HS3ST1: variants seen among roughly 807,000 people sequenced by gnomAD.
HS3ST1 encodes heparan sulfate-glucosamine 3-sulfotransferase 1, also known as heparan sulfate glucosamine 3-O-sulfotransferase 1.
Under a neutral mutation model 20.7 loss-of-function variants are expected in HS3ST1, and 8 were observed. That is an observed-to-expected ratio of 0.39 (90% CI 0.23 to 0.70). The LOEUF (loss-of-function observed/expected upper bound fraction) is 0.70, where lower values mean the gene tolerates loss of function less well. Ranked by LOEUF, HS3ST1 falls within the 30% of genes least tolerant of loss-of-function variation. HS3ST1 has a pLI of 0.46. For missense variants in HS3ST1, 436 were observed against 423.4 expected (o/e 1.03, Z -0.26); for synonymous variants, 205 against 190.4 (o/e 1.08, Z -0.63).
intron 1 of HS3ST1, among the ~76,000 whole-genome samples, chr4:11,415,196 T>C (rs1325584122): frequency 6.6e-6 from 1 of 152,192 alleles, no homozygotes; most frequent in Non-Finnish European, 1.5e-5. Flanking sequence ...GGCTAAAGTA[T>C]GTAAATAGGG....
rs950358606 is a variant in HS3ST1, at chr4:11,395,274, G to A, written c.*3808C>T. The A allele has an allele frequency of 1.3e-5, 2 of 152,006 alleles. No individual in the cohort carries two copies. The highest frequency in any genetic ancestry group is 2.4e-5 in the African/African-American group (1 of 41,384). The allele number at this position is 152,006 out of a possible 1,614,324, so 9.4% of individuals were successfully genotyped here. A position where few individuals can be genotyped will look rare whatever the true frequency, so the allele number is the denominator to read the frequency against. Reference sequence around the variant, plus strand: ...ACCTGCCCTGACATGCGACCTCTGGGAAGATTCTCTATTTCTTAATATTTC... The same window carrying A: ...ACCTGCCCTGACATGCGACCTCTGGAAAGATTCTCTATTTCTTAATATTTC... On this transcript the variant is annotated 3_prime_UTR_variant, in exon 2 of 2. Coordinates refer to ENST00000002596, the MANE Select transcript of HS3ST1 (RefSeq NM_005114.4).
intron 1 of HS3ST1, among the ~76,000 whole-genome samples, chr4:11,419,740 GA>G (rs1718878092): frequency 6.6e-6 from 1 of 152,112 alleles, no homozygotes. Context: ...AATATAATTT[GA>G]AAAAACAAAT....
chr4:11,420,830 C>T (rs1255162688), intron 1 of HS3ST1, among the ~76,000 whole-genome samples: 1 of 152,186 alleles, frequency 6.6e-6, no homozygotes, highest in Non-Finnish European at 1.5e-5. Flanking sequence ...ATCTTGGACC[C>T]TACTCCCTGG....
In HS3ST1 at chr4:11,399,899, G is replaced by A; in HGVS notation, c.107C>T (p.Thr36Ile). The change falls in exon 2 of 2, where the codon ACC becomes ATC. Residue 36 changes from threonine to isoleucine, a missense_variant. By Grantham distance (89) the Thr-to-Ile change is moderately conservative. Coordinates refer to ENST00000002596, the MANE Select transcript of HS3ST1 (RefSeq NM_005114.4). This position sits in a 1 kb window ranked among gnomAD's most constrained non-coding sequence, Gnocchi z 5.1. ...GQQELLRKAG[T>I]LQDDVRDGVA... is the part of the protein sequence containing the mutation. ...GCCATCGCGGACGTCATCCTGGAGG[G>A]TCCCCGCTTTCCGCAGAAGCTCCTG... 1.2e-6 allele frequency: 2 copies of A among 1,609,554 alleles called. No individual in the cohort carries two copies. The highest frequency in any genetic ancestry group is 1.3e-5 in the African/African-American group (1 of 75,022).
In HS3ST1 at chr4:11,399,480, C is replaced by T. The variant is rs370737240; in HGVS notation, c.526G>A (p.Glu176Lys). ...AGCCTGCCATCGCGCACCAGGAACT[C>T]CTCGATGGACGGGTAGGGCTTGTGC... ...QKHKPYPSIE[E>K]FLVRDGRLNV... is the part of the protein sequence containing the mutation. The change falls in exon 2 of 2, where the codon GAG becomes AAG. Residue 176 changes from glutamate (E) to lysine (K), a missense_variant. Glu to Lys is a moderately conservative substitution (Grantham distance 56, BLOSUM62 1). Transcript: ENST00000002596. The surrounding 1 kb of genome is among the most constrained non-coding windows in gnomAD (Gnocchi z 5.1). 6.2e-7 allele frequency: 1 copy of T among 1,613,988 alleles called. No homozygotes were observed. The highest frequency in any genetic ancestry group is 8.5e-7 in the Non-Finnish European group (1 of 1,180,004).
intron 1 of HS3ST1, among the ~76,000 whole-genome samples, chr4:11,421,097 C>A (rs141702142): frequency 9.6e-4 from 146 of 151,712 alleles, no homozygotes; most frequent in African/African-American, 3.1e-3. Context: ...TTTGTATTTG[C>A]TAAATCTGGC....
chr4:11,415,096 T>C (rs1718738192), intron 1 of HS3ST1, among the ~76,000 whole-genome samples: 1 of 152,188 alleles, frequency 6.6e-6, no homozygotes, highest in African/African-American at 2.4e-5. Context: ...TGAGGAAATT[T>C]GGAATATGCT....
rs541496753 is a variant in HS3ST1 at position 11,398,238 on chromosome 4, T to C, written c.*844A>G. 16 of 152,326 alleles carry C rather than the reference T, an allele frequency of 1.1e-4. No homozygotes were observed. The highest frequency in any genetic ancestry group is 3.8e-4 in the African/African-American group (16 of 41,570). 9.4% of individuals were successfully genotyped at this position (152,326 alleles called of 1,614,324 possible). ...AAGCAAAAGACTACTACCCTTTTAG[T>C]CAGCCTTTCACAGAACCGACAGGAT... On this transcript the variant is annotated 3_prime_UTR_variant, in exon 2 of 2. Coordinates refer to ENST00000002596, the MANE Select transcript of HS3ST1 (RefSeq NM_005114.4).
At position 11,423,270 on chromosome 4, in the gene HS3ST1, A is replaced by T. The variant is rs1305010357; in HGVS notation, c.-109+5429T>A. 3.3e-5 allele frequency among the ~76,000 whole-genome samples: 5 copies of T among 152,204 alleles called. No individual in the cohort carries two copies. The East Asian group carries it at 9.6e-4, about 29-fold the overall frequency. On this transcript the variant is annotated intron_variant, in intron 1 of 1. Coordinates refer to ENST00000002596, the MANE Select transcript of HS3ST1 (RefSeq NM_005114.4). ...ACATGGCAGACAATAAACGTGCTCA[A>T]TAGTCAGTTTTATTAAAATTGAGAG...
intron 1 of HS3ST1, among the ~76,000 whole-genome samples, chr4:11,405,784 G>A (rs750463985): frequency 6.6e-6 from 1 of 152,150 alleles, no homozygotes; most frequent in African/African-American, 2.4e-5. Context: ...GGGAAGCAAT[G>A]AAATAACCCT....
At position 11,397,037 on chromosome 4, in the gene HS3ST1, C is replaced by T. The variant is rs1255360514; in HGVS notation, c.*2045G>A. ...CAGTCAGAGACTCTCATTGCAGTTT[C>T]CTTTCAGTCACCATATTCCTGAACA... On this transcript the variant is annotated 3_prime_UTR_variant, in exon 2 of 2. Transcript: ENST00000002596. 1.3e-5 allele frequency: 2 copies of T among 152,250 alleles called. No individual in the cohort carries two copies. Among genetic ancestry groups the T allele is most frequent in the Non-Finnish European group, 2.9e-5 (2 of 68,064 alleles). The allele number at this position is 152,250 out of a possible 1,614,324, so 9.4% of individuals were successfully genotyped here.
At chr4:11,430,302 A>AG (rs1168465954), upstream of HS3ST1, among the ~76,000 whole-genome samples, 1 of 151,956 alleles carries the variant, frequency 6.6e-6, no homozygotes, top group Non-Finnish European at 1.5e-5. Context: ...TTAGGTTAAA[A>AG]AAAAATACAA....
At chr4:11,417,482 T>G (rs1008522771) in intron 1 of HS3ST1, among the ~76,000 whole-genome samples, 7 of 152,168 alleles carry the variant, frequency 4.6e-5, no homozygotes, top group Non-Finnish European at 7.4e-5. Context: ...TTAAAAATCA[T>G]GGAAGAATAC....
rs142897757 is a variant in HS3ST1, at chr4:11,412,502, C to T, written c.-108-12389G>A. Reference sequence around the variant, plus strand: ...AAAAATTAACCACAAAGTTTTGTCACCAATGTGGGCATCTAACATTTTATA... The same window carrying T: ...AAAAATTAACCACAAAGTTTTGTCATCAATGTGGGCATCTAACATTTTATA... On this transcript the variant is annotated intron_variant, in intron 1 of 1. Transcript: ENST00000002596. Among the ~76,000 whole-genome samples the T allele has an allele frequency of 1.1e-4, 16 of 152,246 alleles. No individual in the cohort carries two copies. The East Asian group carries it at 3.1e-3, about 29-fold the overall frequency.
At chr4:11,426,396 T>G (rs1192637468) in intron 1 of HS3ST1, among the ~76,000 whole-genome samples, 1 of 148,820 alleles carries the variant, frequency 6.7e-6, no homozygotes, top group Non-Finnish European at 1.5e-5. Context: ...ATTTTTCCAG[T>G]AAAATAATTT....
In HS3ST1 at chr4:11,394,677, T is replaced by C. The variant is rs1021843887; in HGVS notation, c.*4405A>G. 6.6e-6 allele frequency: 1 copy of C among 152,210 alleles called. No homozygotes were observed. Among genetic ancestry groups the C allele is most frequent in the Non-Finnish European group, 1.5e-5 (1 of 68,042 alleles). The allele number at this position is 152,210 out of a possible 1,614,324, so 9.4% of individuals were successfully genotyped here. ...GCTCTGCCTAATAGACAGATGCATA[T>C]GCTTTATATCTTCCTCCACTTACCC... On this transcript the variant is annotated 3_prime_UTR_variant, in exon 2 of 2. Transcript: ENST00000002596.
In HS3ST1 at chr4:11,400,109, A is replaced by C; in HGVS notation, c.-104T>G. ...TGGCACATGGGCGTTTCAGGCCTTC[A>C]ATTACTAGGGAACAAAAAGGGAAGA... On this transcript the variant is annotated 5_prime_UTR_variant, in exon 2 of 2. The change creates a new upstream start codon in the 5' untranslated region. Transcript: ENST00000002596. 1.4e-6 allele frequency: 2 copies of C among 1,427,860 alleles called. No homozygotes were observed. Among genetic ancestry groups the C allele is most frequent in the South Asian group, 3.0e-5 (2 of 66,070 alleles). 88.4% of individuals were successfully genotyped at this position (1,427,860 alleles called of 1,614,324 possible).
At chr4:11,405,511 G>A (rs75601240) in intron 1 of HS3ST1, among the ~76,000 whole-genome samples, 2,368 of 152,066 alleles carry the variant, frequency 0.016, 48 homozygotes, top group African/African-American at 0.054. Flanking sequence ...CTGTCCCCTC[G>A]GGCCTGGCAT....
intron 1 of HS3ST1, among the ~76,000 whole-genome samples, chr4:11,425,940 A>C (rs1028839949): frequency 7.4e-6 from 1 of 134,312 alleles, no homozygotes; most frequent in African/African-American, 3.4e-5. Flanking sequence ...GGTTGAGGGG[A>C]AAAAAACTGG....
Sources: allele counts gnomAD v4.1 joint callset (sites outside exome capture counted in the v4.1 genomes callset), GRCh38; gene constraint gnomAD v4.1.1; non-coding constraint Gnocchi (gnomAD v3.1); transcripts MANE v1.5; gene names NCBI Gene and HGNC (gene_info 2026-07-23, HGNC 2026-07-21).